The following RALYL variants were observed in gnomAD, a reference collection of about 807,000 sequenced individuals.
RALYL encodes RALY RNA binding protein like.
A neutral mutation model predicts 35.1 loss-of-function variants in RALYL; 29 were observed. The observed-to-expected ratio is 0.83, with a 90% CI of 0.61 to 1.13. The LOEUF is 1.13. Among genes scored for constraint, RALYL ranks in the 50% most tolerant of loss-of-function variants. The pLI is 0.00. For missense variants in RALYL, 359 were observed against 360.4 expected (o/e 1.00, Z 0.03); for synonymous variants, 120 against 127.6 (o/e 0.94, Z 0.40).
chr8:84,229,077 C>A (rs1469308625), intron 1 of RALYL, among the ~76,000 whole-genome samples: 1 of 152,190 alleles, frequency 6.6e-6, no homozygotes, highest in African/African-American at 2.4e-5. Context: ...TATGGAATTT[C>A]ATCTCTGGCT....
intron 2 of RALYL, among the ~76,000 whole-genome samples, chr8:84,671,767 C>T (rs1204566116): frequency 6.6e-6 from 1 of 152,202 alleles, no homozygotes; most frequent in Non-Finnish European, 1.5e-5. Context: ...CCATTTTTTC[C>T]TTCTAGGCCT....
chr8:84,482,496 C>T (rs1449975162), intron 1 of RALYL, among the ~76,000 whole-genome samples: 1 of 151,926 alleles, frequency 6.6e-6, no homozygotes, highest in African/African-American at 2.4e-5. Context: ...AAACAAGTAG[C>T]CTCTCCAATT....
At chr8:84,621,411 C>G (rs1821428808) in intron 2 of RALYL, among the ~76,000 whole-genome samples, 1 of 152,292 alleles carries the variant, frequency 6.6e-6, no homozygotes, top group South Asian at 2.1e-4. Flanking sequence ...ACTCCCTGAC[C>G]CCTTGCACTT....
intron 2 of RALYL, among the ~76,000 whole-genome samples, chr8:84,613,445 G>C (rs1818753834): frequency 6.6e-6 from 1 of 151,388 alleles, no homozygotes; most frequent in Admixed American, 6.6e-5. Context: ...GAATCCACCG[G>C]ATGTTGAAAA....
intron 2 of RALYL, among the ~76,000 whole-genome samples, chr8:84,703,947 C>T (rs16913145): frequency 0.074 from 11,252 of 152,118 alleles, 1,007 homozygotes; most frequent in African/African-American, 0.21. Context: ...AATCTATATA[C>T]TGAGAACTCA....
intron 6 of RALYL, among the ~76,000 whole-genome samples, chr8:84,869,673 C>T (rs1839839412): frequency 6.6e-6 from 1 of 152,118 alleles, no homozygotes; most frequent in African/African-American, 2.4e-5. Flanking sequence ...AAAATGTCTC[C>T]AGACACAGCA....
At chr8:84,886,879 G>T (rs1174381229) in intron 7 of RALYL, among the ~76,000 whole-genome samples, 1 of 152,170 alleles carries the variant, frequency 6.6e-6, no homozygotes, top group Non-Finnish European at 1.5e-5. Flanking sequence ...TTAGGAAATA[G>T]TTGTCCTTAT....
chr8:84,419,306 C>T (rs1021073638), intron 1 of RALYL, among the ~76,000 whole-genome samples: 3 of 152,204 alleles, frequency 2.0e-5, no homozygotes, highest in Middle Eastern at 3.4e-3. Context: ...TTGGTATTAA[C>T]GTCTGTCAAT....
At chr8:84,591,902 A>G (rs1729532677) in intron 2 of RALYL, among the ~76,000 whole-genome samples, 1 of 152,196 alleles carries the variant, frequency 6.6e-6, no homozygotes, top group South Asian at 2.1e-4. Flanking sequence ...ATATATTGAT[A>G]TCTATGATAT....
At chr8:84,370,082 C>T (rs190975543) in intron 1 of RALYL, among the ~76,000 whole-genome samples, 15 of 152,164 alleles carry the variant, frequency 9.9e-5, no homozygotes, top group Admixed American at 6.6e-4. Flanking sequence ...TACACAGCCA[C>T]GTAAATTTTG....
At chr8:84,213,713 G>A (rs1820097140) in intron 1 of RALYL, among the ~76,000 whole-genome samples, 1 of 152,076 alleles carries the variant, frequency 6.6e-6, no homozygotes, top group Non-Finnish European at 1.5e-5. Context: ...TCCCTGAAAT[G>A]AATTTCATGT....
At chr8:84,616,849 A>G (rs1396614470) in intron 2 of RALYL, among the ~76,000 whole-genome samples, 1 of 151,760 alleles carries the variant, frequency 6.6e-6, no homozygotes, top group East Asian at 1.9e-4. Flanking sequence ...TAAGTAGGGA[A>G]TCCTTTCCCC....
At chr8:84,268,997 G>A (rs534217261) in intron 1 of RALYL, among the ~76,000 whole-genome samples, 2 of 152,240 alleles carry the variant, frequency 1.3e-5, no homozygotes, top group East Asian at 3.9e-4. Flanking sequence ...GATAGATCTA[G>A]AAGATAAAAG....
At chr8:84,457,650 C>A (rs1480947881) in intron 1 of RALYL, among the ~76,000 whole-genome samples, 2 of 151,734 alleles carry the variant, frequency 1.3e-5, no homozygotes, top group Non-Finnish European at 2.9e-5. Context: ...ATATCTTACG[C>A]CTTGTCTTAA....
intron 1 of RALYL, among the ~76,000 whole-genome samples, chr8:84,425,700 A>C (rs1461446296): frequency 6.6e-6 from 1 of 151,940 alleles, no homozygotes; most frequent in Non-Finnish European, 1.5e-5. Context: ...GAAGATTGTC[A>C]CTCCAGAGAC....
intron 1 of RALYL, among the ~76,000 whole-genome samples, chr8:84,338,668 C>A (rs990037751): frequency 1.1e-4 from 16 of 152,126 alleles, no homozygotes; most frequent in Non-Finnish European, 2.1e-4. Flanking sequence ...AATCAAACAG[C>A]CCTCTTTGGT....
At chr8:84,339,020 G>A (rs775819244) in intron 1 of RALYL, among the ~76,000 whole-genome samples, 3 of 151,992 alleles carry the variant, frequency 2.0e-5, no homozygotes, top group East Asian at 1.9e-4. Context: ...AACCAAATAC[G>A]AACAAGTCAC....
intron 2 of RALYL, among the ~76,000 whole-genome samples, chr8:84,757,743 T>C (rs918476099): frequency 3.3e-5 from 5 of 152,150 alleles, no homozygotes; most frequent in African/African-American, 1.2e-4. Flanking sequence ...TTTATTGCAA[T>C]AGTCATATTC....
At chr8:84,522,335 C>T (rs1021522789) in intron 1 of RALYL, among the ~76,000 whole-genome samples, 9 of 150,846 alleles carry the variant, frequency 6.0e-5, no homozygotes, top group Non-Finnish European at 1.2e-4. Flanking sequence ...CTGCAAGCTC[C>T]GCCTTCCAGG....
Sources: gnomAD v4.1 joint callset for allele counts (sites outside exome capture counted in the v4.1 genomes callset) on GRCh38, gnomAD v4.1.1 for gene constraint, MANE v1.5 for transcripts, NCBI Gene and HGNC (gene_info 2026-07-23, HGNC 2026-07-21) for gene names.